The following CNTN4 variants were observed in gnomAD, a reference collection of about 807,000 sequenced individuals.
CNTN4 encodes contactin 4.
In CNTN4, 77 loss-of-function variants were observed where a neutral mutation model predicts 122.5. That is an observed-to-expected ratio of 0.63 (90% CI 0.52 to 0.76). The LOEUF (loss-of-function observed/expected upper bound fraction) is 0.76, where lower values mean the gene tolerates loss of function less well. Among genes scored for constraint, CNTN4 ranks in the 30% least tolerant of loss-of-function variants. The probability of loss-of-function intolerance (pLI) is 0.00; values close to 1 mark genes in which losing one functional copy is unlikely to be tolerated. For missense variants in CNTN4, 1,256 were observed against 1,259.1 expected, an observed-to-expected ratio of 1.00 and a Z score of 0.04; for synonymous variants, 512 against 447.0, an observed-to-expected ratio of 1.15 and a Z score of -1.83.
chr3:2,971,363 T>C (rs1003672244), intron 13 of CNTN4, among the ~76,000 whole-genome samples: 1 of 151,402 alleles, frequency 6.6e-6, no homozygotes, highest in Non-Finnish European at 1.5e-5. Flanking sequence ...TATCTATCTA[T>C]CTATCTATAT....
At chr3:2,335,318 T>TAATA (rs975100061) in intron 2 of CNTN4, among the ~76,000 whole-genome samples, 1 of 59,984 alleles carries the variant, frequency 1.7e-5, no homozygotes, top group African/African-American at 4.6e-5. Context: ...ATGATTATAA[T>TAATA]GATAGCATTT....
chr3:2,743,658 T>G (rs2089592473), intron 5 of CNTN4, among the ~76,000 whole-genome samples: 1 of 152,240 alleles, frequency 6.6e-6, no homozygotes, highest in Admixed American at 6.5e-5. Flanking sequence ...AACCAGCATT[T>G]ATGGAGCACA....
chr3:2,665,893 C>G (rs182835297), intron 4 of CNTN4, among the ~76,000 whole-genome samples: 5 of 152,322 alleles, frequency 3.3e-5, no homozygotes, highest in Admixed American at 6.5e-5. Context: ...ATGCTTTCAT[C>G]TGCCTTTTTT....
chr3:2,295,709 T>C (rs2042286707), intron 2 of CNTN4, among the ~76,000 whole-genome samples: 1 of 152,166 alleles, frequency 6.6e-6, no homozygotes. Flanking sequence ...GTTTTGTCTT[T>C]TGTTGCCATT....
intron 3 of CNTN4, among the ~76,000 whole-genome samples, chr3:2,369,126 T>C (rs1369152589): frequency 6.6e-6 from 1 of 152,162 alleles, no homozygotes. Flanking sequence ...AGTTTAACCA[T>C]GTTGGCCAGG....
chr3:2,733,774 TCCAC>T (rs2088876443), intron 4 of CNTN4, among the ~76,000 whole-genome samples: 1 of 152,104 alleles, frequency 6.6e-6, no homozygotes, highest in South Asian at 2.1e-4. Context: ...GACCTCATGA[TCCAC>T]CCACCTCGGC....
chr3:2,702,024 G>C (rs559138712), intron 4 of CNTN4, among the ~76,000 whole-genome samples: 29 of 152,264 alleles, frequency 1.9e-4, no homozygotes, highest in African/African-American at 7.0e-4. Context: ...AAAGGTATTA[G>C]GCAACAATAA....
chr3:2,875,371 A>C (rs2093832106), intron 8 of CNTN4, among the ~76,000 whole-genome samples: 1 of 152,210 alleles, frequency 6.6e-6, no homozygotes, highest in Admixed American at 6.5e-5. Context: ...GTATTTGGCA[A>C]GCTTGCTGAA....
intron 2 of CNTN4, among the ~76,000 whole-genome samples, chr3:2,334,584 T>G (rs2043868826): frequency 6.6e-6 from 1 of 152,146 alleles, no homozygotes; most frequent in Non-Finnish European, 1.5e-5. Context: ...TGGTAAAGCT[T>G]AGACTCAAAT....
At chr3:2,141,234 T>G (rs2034978979) in intron 2 of CNTN4, among the ~76,000 whole-genome samples, 1 of 152,188 alleles carries the variant, frequency 6.6e-6, no homozygotes, top group Admixed American at 6.5e-5. Context: ...CAAAAGGGAC[T>G]CTGCCAATAT....
At chr3:2,254,683 G>A (rs1006202665) in intron 2 of CNTN4, among the ~76,000 whole-genome samples, 3 of 152,154 alleles carry the variant, frequency 2.0e-5, no homozygotes, top group Non-Finnish European at 4.4e-5. Flanking sequence ...CTGCATAAAT[G>A]TCTTCTTTTG....
At chr3:2,983,004 G>A (rs1313602658) in intron 13 of CNTN4, among the ~76,000 whole-genome samples, 1 of 151,792 alleles carries the variant, frequency 6.6e-6, no homozygotes, top group South Asian at 2.1e-4. Flanking sequence ...CACGAGGTCA[G>A]GAGATCGAGA....
chr3:2,943,869 G>A (rs1032029732), intron 13 of CNTN4, among the ~76,000 whole-genome samples: 9 of 151,508 alleles, frequency 5.9e-5, no homozygotes, highest in Non-Finnish European at 8.8e-5. Flanking sequence ...TGATCCACCC[G>A]CCATGGCTGG....
intron 4 of CNTN4, among the ~76,000 whole-genome samples, chr3:2,666,573 G>C (rs1576390501): frequency 6.8e-6 from 1 of 147,152 alleles, no homozygotes. Flanking sequence ...TTTATCATAA[G>C]GAATAAAATG....
At chr3:2,409,351 C>T (rs1428297766) in intron 3 of CNTN4, among the ~76,000 whole-genome samples, 2 of 151,498 alleles carry the variant, frequency 1.3e-5, no homozygotes, top group African/African-American at 2.4e-5. Context: ...GGGTTCAGGC[C>T]ATTCTCCTGC....
In CNTN4 at chr3:2,877,402, C is replaced by A. The variant is rs1036530339; in HGVS notation, c.653-5743C>A. Among the ~76,000 whole-genome samples, 3 of 152,166 alleles carry A rather than the reference C, an allele frequency of 2.0e-5. No homozygotes were observed. In the East Asian group the frequency reaches 5.8e-4, roughly 29 times the overall value. The stretch of plus-strand genomic sequence containing the variant: ...TTACTATTGTTGTATCTCTCTTACT[C>A]CAAAGAATATAAAACGTTGGCAATG... On this transcript the variant is annotated intron_variant, in intron 8 of 24. Transcript: ENST00000418658.
chr3:2,520,383 G>A (rs2077169538), intron 3 of CNTN4, among the ~76,000 whole-genome samples: 1 of 141,588 alleles, frequency 7.1e-6, no homozygotes, highest in South Asian at 2.3e-4. Flanking sequence ...AGTGATTCTT[G>A]TGCCTCAGCC....
At chr3:2,945,633 G>A (rs2094668589) in intron 13 of CNTN4, among the ~76,000 whole-genome samples, 1 of 152,178 alleles carries the variant, frequency 6.6e-6, no homozygotes, top group Non-Finnish European at 1.5e-5. Context: ...AGGAAGGAAA[G>A]GAAGAAAGCA....
At chr3:2,313,344 CAT>C (rs2042980058) in intron 2 of CNTN4, among the ~76,000 whole-genome samples, 2 of 151,858 alleles carry the variant, frequency 1.3e-5, no homozygotes, top group South Asian at 4.1e-4. Flanking sequence ...TAAATTAACT[CAT>C]GTTTAAAAAC....
Sources: allele counts gnomAD v4.1 joint callset (sites outside exome capture counted in the v4.1 genomes callset), GRCh38; gene constraint gnomAD v4.1.1; transcripts MANE v1.5; gene names NCBI Gene and HGNC (gene_info 2026-07-23, HGNC 2026-07-21).